Variants in MACROH2A1 observed in about 807,000 individuals in gnomAD.
MACROH2A1 encodes core histone macro-H2A.1.
MACROH2A1 carries 2 observed loss-of-function variants against 31.6 expected under a neutral mutation model. The ratio of observed to expected loss-of-function variants is 0.06; its 90% CI spans 0.03 to 0.20. The LOEUF is 0.20. Among genes scored for constraint, MACROH2A1 ranks in the 10% least tolerant of loss-of-function variants. The pLI, the probability that MACROH2A1 is intolerant of heterozygous loss-of-function variation, is 1.00. For synonymous variants in MACROH2A1, 169 were observed against 189.6 expected, an observed-to-expected ratio of 0.89 and a Z score of 0.89; for missense variants, 230 against 474.0, an observed-to-expected ratio of 0.49 and a Z score of 4.78.
At chr5:135,337,463 GAC>G (rs1436445045) in intron 8 of MACROH2A1, among the ~76,000 whole-genome samples, 1 of 152,264 alleles carries the variant, frequency 6.6e-6, no homozygotes, top group South Asian at 2.1e-4. Flanking sequence ...AGTGCTTTCT[GAC>G]ACAGACCCCT....
At chr5:135,343,467 G>A in intron 7 of MACROH2A1, 33 bp from the exon 8 acceptor site, 1 of 1,609,670 alleles carries the variant, frequency 6.2e-7, no homozygotes, top group Middle Eastern at 1.7e-4. Flanking sequence ...GAAACAGTGA[G>A]CTCTGGTTCA....
chr5:135,376,635 C>T (rs944706525), intron 2 of MACROH2A1, among the ~76,000 whole-genome samples: 2 of 152,124 alleles, frequency 1.3e-5, no homozygotes, highest in South Asian at 2.1e-4. Flanking sequence ...GACAGACCGT[C>T]GGGGTTTGGA....
chr5:135,383,393 C>CT (rs1252435385), intron 2 of MACROH2A1, among the ~76,000 whole-genome samples: 1 of 152,194 alleles, frequency 6.6e-6, no homozygotes, highest in Non-Finnish European at 1.5e-5. Context: ...ACACAAAAGG[C>CT]ATTAAGTGTC....
chr5:135,339,069 G>GTGTT (rs1759319376), intron 8 of MACROH2A1, among the ~76,000 whole-genome samples: 1 of 152,204 alleles, frequency 6.6e-6, no homozygotes, highest in African/African-American at 2.4e-5. Context: ...CCTGTGGGTT[G>GTGTT]TGTTTATGGC....
chr5:135,362,067 A>C (rs1275629038), intron 4 of MACROH2A1: 1 of 152,252 alleles, frequency 6.6e-6, no homozygotes, highest in Non-Finnish European at 1.5e-5. Context: ...TATATGGTAA[A>C]TCTTAGTGAA....
In MACROH2A1 at chr5:135,369,986, C is replaced by T; in HGVS notation, c.279+50G>A. ...AAGCCTCTCAGCTATGTTTCTTGGG[C>T]AGTATGACCACCTGCTCAAACATCA... On this transcript the variant is annotated intron_variant, in intron 3 of 8. Coordinates refer to ENST00000511689, the MANE Select transcript of MACROH2A1 (RefSeq NM_138610.3). The surrounding 1 kb of genome is among the most constrained non-coding windows in gnomAD (Gnocchi z 4.3). 1 of 1,186,336 alleles carries T rather than the reference C, an allele frequency of 8.4e-7. No individual in the cohort carries two copies. 73.5% of individuals were successfully genotyped at this position (1,186,336 alleles called of 1,614,324 possible).
chr5:135,339,654 C>A (rs921615400), intron 8 of MACROH2A1, among the ~76,000 whole-genome samples: 3 of 152,164 alleles, frequency 2.0e-5, no homozygotes, highest in African/African-American at 7.2e-5. Context: ...AAGATTAGGT[C>A]CCCCTCGCAC....
At chr5:135,366,831 C>T (rs902452136) in intron 4 of MACROH2A1, among the ~76,000 whole-genome samples, 6 of 152,062 alleles carry the variant, frequency 3.9e-5, no homozygotes, top group African/African-American at 1.4e-4. Context: ...CTGGAATGGA[C>T]CTGATCATTT....
intron 8 of MACROH2A1, among the ~76,000 whole-genome samples, chr5:135,339,033 C>T (rs1486070773): frequency 6.6e-6 from 1 of 152,182 alleles, no homozygotes; most frequent in Non-Finnish European, 1.5e-5. Context: ...TTGTTGTTTC[C>T]ACTCTCTCTT....
intron 4 of MACROH2A1, among the ~76,000 whole-genome samples, chr5:135,365,799 T>A (rs908450516): frequency 1.3e-5 from 2 of 152,240 alleles, no homozygotes; most frequent in African/African-American, 4.8e-5. Context: ...TTTACTTGCA[T>A]GTGAGGACAG....
intron 4 of MACROH2A1, chr5:135,361,135 C>T (rs1762795884): frequency 8.4e-6 from 2 of 238,566 alleles, no homozygotes; most frequent in Admixed American, 5.3e-5. Flanking sequence ...GATGAACCAT[C>T]TGTCTCCCTG....
intron 1 of MACROH2A1, among the ~76,000 whole-genome samples, chr5:135,392,729 A>G (rs1452496326): frequency 6.6e-6 from 1 of 152,226 alleles, no homozygotes; most frequent in African/African-American, 2.4e-5. Context: ...AATGGCAATT[A>G]AGCATTATAA....
chr5:135,381,167 C>T (rs1229783392), intron 2 of MACROH2A1, among the ~76,000 whole-genome samples: 1 of 152,136 alleles, frequency 6.6e-6, no homozygotes, highest in Non-Finnish European at 1.5e-5. Context: ...ACTGGATAAC[C>T]ATGTGAAATA....
intron 8 of MACROH2A1, among the ~76,000 whole-genome samples, chr5:135,337,466 A>G (rs1417538976): frequency 5.3e-5 from 8 of 152,260 alleles, no homozygotes; most frequent in Admixed American, 5.2e-4. Flanking sequence ...GCTTTCTGAC[A>G]CAGACCCCTC....
At chr5:135,395,653 C>T (rs1231076764) in intron 1 of MACROH2A1, among the ~76,000 whole-genome samples, 4 of 152,278 alleles carry the variant, frequency 2.6e-5, no homozygotes, top group South Asian at 2.1e-4. Flanking sequence ...CGGTGTCACC[C>T]GCTGTCATGT....
At chr5:135,343,602 C>A in intron 7 of MACROH2A1, 168 bp from the exon 8 acceptor site, 1 of 1,075,200 alleles carries the variant, frequency 9.3e-7, no homozygotes. Flanking sequence ...CCAACGTGAG[C>A]TGGAGCCAAG....
intron 6 of MACROH2A1, chr5:135,351,368 T>C (rs1042258419): frequency 6.3e-6 from 1 of 158,834 alleles, no homozygotes; most frequent in Non-Finnish European, 1.4e-5. Flanking sequence ...ATTTTTATTC[T>C]TGTGACATTT....
At chr5:135,376,510 G>C (rs1014054577) in intron 2 of MACROH2A1, among the ~76,000 whole-genome samples, 5 of 152,192 alleles carry the variant, frequency 3.3e-5, no homozygotes, top group African/African-American at 9.6e-5. Flanking sequence ...TATCTTCCTT[G>C]TCAGGAAGTT....
At chr5:135,336,232 G>A (rs1105452) in intron 8 of MACROH2A1, among the ~76,000 whole-genome samples, 2,431 of 152,344 alleles carry the variant, frequency 0.016, 64 homozygotes, top group African/African-American at 0.056. Flanking sequence ...CTCACTGCAT[G>A]CCTGTGCACT....
Sources: allele counts gnomAD v4.1 joint callset (sites outside exome capture counted in the v4.1 genomes callset), GRCh38; gene constraint gnomAD v4.1.1; non-coding constraint Gnocchi (gnomAD v3.1); transcripts MANE v1.5; gene names NCBI Gene and HGNC (gene_info 2026-07-23, HGNC 2026-07-21).